Variants in GRAMD1B observed in about 807,000 individuals in gnomAD.
The protein encoded by GRAMD1B is GRAM domain containing 1B.
In GRAMD1B, 37 loss-of-function variants were observed where a neutral mutation model predicts 99.7. The observed-to-expected ratio is 0.37, with a 90% CI of 0.29 to 0.49. The LOEUF (loss-of-function observed/expected upper bound fraction) is 0.49, where lower values mean the gene tolerates loss of function less well. GRAMD1B is among the 20% of genes least tolerant of loss of function. The probability of loss-of-function intolerance (pLI) is 0.98; values close to 1 mark genes in which losing one functional copy is unlikely to be tolerated. For synonymous variants in GRAMD1B, 427 were observed against 387.6 expected (o/e 1.10, Z -1.19); for missense variants, 888 against 1,009.2 (o/e 0.88, Z 1.63).
In GRAMD1B at chr11:123,457,117, A is replaced by AGAAAGAAAGAAAGAAAGAAAG; in HGVS notation, c.375-23699_375-23698insGAAAGAAAGAAAGAAAGAAAG. ...ACAGAGAGAGACCCTTTCTGAGAAA[A>AGAAAGAAAGAAAGAAAGAAAG]AAAGAAAGAAAGAAAGAAAGAATTA... is the stretch of plus-strand genomic sequence containing the variant. On this transcript the variant is annotated intron_variant, in intron 1 of 19. Coordinates refer to ENST00000635736, the MANE Select transcript of GRAMD1B (RefSeq NM_001387025.1). 1.6e-3 allele frequency among the ~76,000 whole-genome samples: 161 copies of AGAAAGAAAGAAAGAAAGAAAG among 99,284 alleles called. 7 individuals carry two copies. The highest frequency in any genetic ancestry group is 5.2e-3 in the Middle Eastern group (1 of 194). 65.1% of individuals were successfully genotyped at this position (99,284 alleles called of 152,430 possible).
In GRAMD1B at chr11:123,524,623, A is replaced by G. The variant is rs572740819; in HGVS notation, c.452+43730A>G. Among the ~76,000 whole-genome samples, 496 of 152,320 alleles carry G rather than the reference A, an allele frequency of 3.3e-3. 2 individuals are homozygous for G. Among genetic ancestry groups the G allele is most frequent in the African/African-American group, 0.012 (482 of 41,582 alleles). On this transcript the variant is annotated intron_variant, in intron 2 of 19. Coordinates refer to ENST00000635736, the MANE Select transcript of GRAMD1B (RefSeq NM_001387025.1). ...CCAAAGTGCTGGGATTACAGGCATG[A>G]GCCACTGTGCGTGACCAAAGGAGAA...
In GRAMD1B at chr11:123,431,885, T is replaced by C. The variant is rs1591516396; in HGVS notation, c.374+719T>C. 3 of 393,448 alleles carry C rather than the reference T, an allele frequency of 7.6e-6. No individual in the cohort carries two copies. In the East Asian group the frequency reaches 1.1e-4, roughly 14 times the overall value. 24.4% of individuals were successfully genotyped at this position (393,448 alleles called of 1,614,324 possible). Reference sequence around the variant, plus strand: ...TTGCTGCAGGGCGCCCTAGAGCAGCTCTACACAGCCCTGGTCAGGACTGCT... The same window carrying C: ...TTGCTGCAGGGCGCCCTAGAGCAGCCCTACACAGCCCTGGTCAGGACTGCT... On this transcript the variant is annotated intron_variant, in intron 1 of 19. Coordinates refer to ENST00000635736, the MANE Select transcript of GRAMD1B (RefSeq NM_001387025.1).
chr11:123,432,555 C>CAAA (rs11380139), intron 1 of GRAMD1B, among the ~76,000 whole-genome samples: 33 of 126,384 alleles, frequency 2.6e-4, no homozygotes, highest in East Asian at 4.5e-4. Context: ...GACTCTGTCT[C>CAAA]AAAAAAAAAA....
At chr11:123,576,930 T>A (rs1948768553) in intron 2 of GRAMD1B, among the ~76,000 whole-genome samples, 1 of 152,258 alleles carries the variant, frequency 6.6e-6, no homozygotes, top group African/African-American at 2.4e-5. Flanking sequence ...GTTATTTTCA[T>A]GAACAAAAAT....
At chr11:123,406,543 T>G (rs1393829614) in intron 1 of GRAMD1B, among the ~76,000 whole-genome samples, 1 of 152,206 alleles carries the variant, frequency 6.6e-6, no homozygotes, top group Non-Finnish European at 1.5e-5. Flanking sequence ...TGAGCCACTC[T>G]GCCGGGCCCA....
At chr11:123,550,867 G>A (rs1259489316) in intron 2 of GRAMD1B, among the ~76,000 whole-genome samples, 3 of 152,144 alleles carry the variant, frequency 2.0e-5, no homozygotes, top group South Asian at 4.1e-4. Flanking sequence ...GGGTGGTACC[G>A]AATTCCCTGA....
At chr11:123,491,084 G>A (rs1938504459) in intron 2 of GRAMD1B, among the ~76,000 whole-genome samples, 1 of 152,184 alleles carries the variant, frequency 6.6e-6, no homozygotes, top group African/African-American at 2.4e-5. Flanking sequence ...TGTAATCCCA[G>A]CACTTTGGGA....
intron 2 of GRAMD1B, among the ~76,000 whole-genome samples, chr11:123,525,282 T>C (rs1302141534): frequency 6.6e-6 from 1 of 152,184 alleles, no homozygotes; most frequent in East Asian, 1.9e-4. Context: ...CACGCAGCCC[T>C]GCTTGCCCCG....
chr11:123,501,234 G>T (rs745761598), intron 2 of GRAMD1B, among the ~76,000 whole-genome samples: 2 of 151,918 alleles, frequency 1.3e-5, no homozygotes, highest in Admixed American at 1.3e-4. Context: ...ACAGTGGCAC[G>T]ATCTCGGCTC....
chr11:123,515,866 C>T (rs1231504449), intron 2 of GRAMD1B, among the ~76,000 whole-genome samples: 1 of 151,980 alleles, frequency 6.6e-6, no homozygotes, highest in Non-Finnish European at 1.5e-5. Context: ...CTCCGGGGCT[C>T]CAGCAATCCT....
chr11:123,370,529 A>T (rs548448005), intron 1 of GRAMD1B, among the ~76,000 whole-genome samples: 9 of 151,756 alleles, frequency 5.9e-5, no homozygotes, highest in African/African-American at 2.2e-4. Flanking sequence ...TTTGCTAGAG[A>T]CAGGGGTCTC....
At position 123,510,950 on chromosome 11, in the gene GRAMD1B, T is replaced by TGGG. The variant is rs888675742; in HGVS notation, c.452+30061_452+30063dup. Among the ~76,000 whole-genome samples, 1 of 151,978 alleles carries TGGG rather than the reference T, an allele frequency of 6.6e-6. No homozygotes were observed. The highest frequency in any genetic ancestry group is 2.1e-4 in the South Asian group (1 of 4,814). ...GAGTGGGTGGATGAGGGGTGCAGGG[T>TGGG]GGGGGGTGGAGGTATCTGTAGCTTT... On this transcript the variant is annotated intron_variant, in intron 2 of 19. Coordinates refer to ENST00000635736, the MANE Select transcript of GRAMD1B (RefSeq NM_001387025.1). The surrounding 1 kb of genome is among the most constrained non-coding windows in gnomAD (Gnocchi z 4.3).
rs1339488596 is a variant in GRAMD1B, at chr11:123,492,119, G to C, written c.452+11226G>C. On this transcript the variant is annotated intron_variant, in intron 2 of 19. Coordinates refer to ENST00000635736, the MANE Select transcript of GRAMD1B (RefSeq NM_001387025.1). This position sits in a 1 kb window ranked among gnomAD's most constrained non-coding sequence, Gnocchi z 4.2. ...GTATGGGTGGCTGGGATGTTGACTG[G>C]GAGACTGAGTCTGTGCCTCACTGTG... is the stretch of plus-strand genomic sequence containing the variant. 6.6e-6 allele frequency among the ~76,000 whole-genome samples: 1 copy of C among 152,200 alleles called. No homozygotes were observed. The highest frequency in any genetic ancestry group is 2.4e-5 in the African/African-American group (1 of 41,450).
intron 2 of GRAMD1B, among the ~76,000 whole-genome samples, chr11:123,511,724 C>A (rs1222338407): frequency 6.6e-6 from 1 of 152,082 alleles, no homozygotes; most frequent in Non-Finnish European, 1.5e-5. Context: ...GGTTGGGTAT[C>A]CTGTGTTGTG....
chr11:123,465,700 C>G (rs570221563), intron 1 of GRAMD1B, among the ~76,000 whole-genome samples: 1 of 149,958 alleles, frequency 6.7e-6, no homozygotes. Context: ...ACCCGGGAGG[C>G]GGAGGTTGCA....
intron 15 of GRAMD1B, 181 bp downstream of exon 15, chr11:123,613,045 G>C: frequency 1.7e-6 from 1 of 592,786 alleles, no homozygotes; most frequent in Admixed American, 3.1e-5. Flanking sequence ...ATGTGGACAA[G>C]TGCATTTTTC....
In GRAMD1B at chr11:123,587,683, G is replaced by A. The variant is rs1012740962; in HGVS notation, c.684+3351G>A. On this transcript the variant is annotated intron_variant, in intron 4 of 19. Transcript: ENST00000635736. The surrounding 1 kb of genome is among the most constrained non-coding windows in gnomAD (Gnocchi z 4.2). ...CACAGGAGCCCAGACCCTGGCAGCC[G>A]CCTGAGACTTAGCACCCTGCTTGCC... Among the ~76,000 whole-genome samples the A allele has an allele frequency of 4.6e-5, 7 of 152,162 alleles. No individual in the cohort carries two copies. Among genetic ancestry groups the A allele is most frequent in the African/African-American group, 1.2e-4 (5 of 41,442 alleles).
At chr11:123,440,494 G>T (rs1949356617) in intron 1 of GRAMD1B, among the ~76,000 whole-genome samples, 1 of 152,096 alleles carries the variant, frequency 6.6e-6, no homozygotes, top group Non-Finnish European at 1.5e-5. Flanking sequence ...GGGCGGCTGA[G>T]TGAGACTCCG....
At chr11:123,526,113 T>C (rs768447938) in intron 2 of GRAMD1B, 1 of 1,605,898 alleles carries the variant, frequency 6.2e-7, no homozygotes, top group Non-Finnish European at 8.5e-7. Flanking sequence ...ACGGGGATGC[T>C]AAGGACACGG....
Sources: allele counts gnomAD v4.1 joint callset (sites outside exome capture counted in the v4.1 genomes callset), GRCh38; gene constraint gnomAD v4.1.1; non-coding constraint Gnocchi (gnomAD v3.1); transcripts MANE v1.5; gene names NCBI Gene and HGNC (gene_info 2026-07-23, HGNC 2026-07-21).